The following GALNT18 variants were observed in gnomAD, a reference collection of about 807,000 sequenced individuals.
GALNT18 encodes the protein polypeptide N-acetylgalactosaminyltransferase 18.
Under a neutral mutation model 69.5 loss-of-function variants are expected in GALNT18, and 44 were observed. That is an observed-to-expected ratio of 0.63 (90% CI 0.50 to 0.81). The LOEUF is 0.81. GALNT18 is among the 40% of genes least tolerant of loss of function. GALNT18 has a pLI of 0.00. For missense variants in GALNT18, 715 were observed against 810.0 expected (o/e 0.88, Z 1.42); for synonymous variants, 364 against 318.2 (o/e 1.14, Z -1.53).
intron 1 of GALNT18, among the ~76,000 whole-genome samples, chr11:11,492,133 T>A (rs950103405): frequency 1.3e-5 from 2 of 152,146 alleles, no homozygotes; most frequent in African/African-American, 4.8e-5. Context: ...GGGAAATCAC[T>A]CCAAATTGTA....
chr11:11,527,331 G>A (rs892368862), intron 1 of GALNT18, among the ~76,000 whole-genome samples: 1 of 152,192 alleles, frequency 6.6e-6, no homozygotes, highest in Non-Finnish European at 1.5e-5. Context: ...GTCTGCTGTT[G>A]GATTGGGGTG....
chr11:11,323,318 A>T (rs1849867112), intron 9 of GALNT18, among the ~76,000 whole-genome samples: 1 of 152,270 alleles, frequency 6.6e-6, no homozygotes, highest in East Asian at 1.9e-4. Context: ...GAATTAGATA[A>T]GTCATGTGGT....
At chr11:11,558,553 T>C (rs951326390) in intron 1 of GALNT18, among the ~76,000 whole-genome samples, 2 of 152,234 alleles carry the variant, frequency 1.3e-5, no homozygotes, top group South Asian at 2.1e-4. Flanking sequence ...ATAGCCCTGC[T>C]TCATGCTTGG....
intron 1 of GALNT18, among the ~76,000 whole-genome samples, chr11:11,478,681 A>G (rs997534967): frequency 1.3e-5 from 2 of 152,248 alleles, no homozygotes; most frequent in African/African-American, 4.8e-5. Context: ...AAATATTAAT[A>G]TGACTGTGTC....
intron 3 of GALNT18, among the ~76,000 whole-genome samples, chr11:11,385,740 C>T (rs1854041253): frequency 6.6e-6 from 1 of 152,034 alleles, no homozygotes; most frequent in Non-Finnish European, 1.5e-5. Flanking sequence ...CATGAATACC[C>T]CATGGGTGAA....
At chr11:11,401,439 C>A (rs899858058) in intron 3 of GALNT18, among the ~76,000 whole-genome samples, 4 of 152,172 alleles carry the variant, frequency 2.6e-5, no homozygotes, top group Admixed American at 6.5e-5. Flanking sequence ...CATGGTTGAG[C>A]TGGCCTGTTC....
chr11:11,471,400 GC>G (rs1856266128), intron 1 of GALNT18, among the ~76,000 whole-genome samples: 1 of 152,186 alleles, frequency 6.6e-6, no homozygotes, highest in Non-Finnish European at 1.5e-5. Flanking sequence ...GACTGGTCCA[GC>G]CCTGACATAG....
intron 3 of GALNT18, among the ~76,000 whole-genome samples, chr11:11,405,263 G>A (rs940824479): frequency 2.6e-5 from 4 of 152,164 alleles, no homozygotes; most frequent in African/African-American, 9.7e-5. Flanking sequence ...AGGCTGTGAA[G>A]GAGACTCATG....
At chr11:11,275,768 A>AT (rs1263982938) in intron 10 of GALNT18, among the ~76,000 whole-genome samples, 1 of 152,192 alleles carries the variant, frequency 6.6e-6, no homozygotes, top group Non-Finnish European at 1.5e-5. Flanking sequence ...CAGTTTCCCC[A>AT]ACACCATTTA....
At chr11:11,451,828 A>C (rs1325291560) in intron 1 of GALNT18, among the ~76,000 whole-genome samples, 2 of 152,262 alleles carry the variant, frequency 1.3e-5, no homozygotes, top group East Asian at 3.8e-4. Context: ...TGTCTAATCC[A>C]AGGCCACCCA....
intron 9 of GALNT18, among the ~76,000 whole-genome samples, chr11:11,302,216 A>C (rs1054871830): frequency 6.6e-6 from 1 of 152,300 alleles, no homozygotes. Flanking sequence ...GAGGGGCTCT[A>C]AGAGTCTTCT....
chr11:11,539,857 A>G (rs972990867), intron 1 of GALNT18, among the ~76,000 whole-genome samples: 1 of 152,242 alleles, frequency 6.6e-6, no homozygotes, highest in Non-Finnish European at 1.5e-5. Flanking sequence ...ATCAGAAATA[A>G]AGAAGAAAGG....
rs1367626598 is a variant in GALNT18, at chr11:11,603,544, T to C, written c.235+17815A>G. Among the ~76,000 whole-genome samples, 2 of 152,180 alleles carry C rather than the reference T, an allele frequency of 1.3e-5. No individual in the cohort carries two copies. Among genetic ancestry groups the C allele is most frequent in the African/African-American group, 2.4e-5 (1 of 41,448 alleles). On this transcript the variant is annotated intron_variant, in intron 1 of 10. Coordinates refer to ENST00000227756, the MANE Select transcript of GALNT18 (RefSeq NM_198516.3). This position sits in a 1 kb window ranked among gnomAD's most constrained non-coding sequence, Gnocchi z 4.5. ...AACCATCAGAGCAACATACCCTCCC[T>C]GGAAATATGCATCTGCCTAATTGCT...
chr11:11,443,672 C>A (rs1855581710), intron 2 of GALNT18, among the ~76,000 whole-genome samples: 1 of 152,154 alleles, frequency 6.6e-6, no homozygotes, highest in Non-Finnish European at 1.5e-5. Flanking sequence ...GCCCTTCAAC[C>A]CTGAGACTAG....
At chr11:11,458,951 C>T (rs1855982061) in intron 1 of GALNT18, among the ~76,000 whole-genome samples, 2 of 152,194 alleles carry the variant, frequency 1.3e-5, no homozygotes, top group South Asian at 2.1e-4. Context: ...CTGGGCCCTG[C>T]TTGTCTTCTG....
rs890030720 is a variant in GALNT18, at chr11:11,337,116, C to T, written c.1278+3703G>A. Among the ~76,000 whole-genome samples the T allele has an allele frequency of 2.0e-5, 3 of 152,112 alleles. No homozygotes were observed. Among genetic ancestry groups the T allele is most frequent in the Non-Finnish European group, 4.4e-5 (3 of 68,038 alleles). On this transcript the variant is annotated intron_variant, in intron 7 of 10. Coordinates refer to ENST00000227756, the MANE Select transcript of GALNT18 (RefSeq NM_198516.3). This position sits in a 1 kb window ranked among gnomAD's most constrained non-coding sequence, Gnocchi z 4.9. ...GCTTTTTGTAGATTCTGGCACCTAC[C>T]GCTCAAAATCCTCTCTGAGGATGAG...
intron 8 of GALNT18, among the ~76,000 whole-genome samples, chr11:11,330,188 G>T (rs1474435167): frequency 6.6e-6 from 1 of 152,158 alleles, no homozygotes; most frequent in East Asian, 1.9e-4. Flanking sequence ...AATGGGCTGG[G>T]CTATAGACTT....
In GALNT18 at chr11:11,494,781, C is replaced by T. The variant is rs935231843; in HGVS notation, c.236-45845G>A. On this transcript the variant is annotated intron_variant, in intron 1 of 10. Coordinates refer to ENST00000227756, the MANE Select transcript of GALNT18 (RefSeq NM_198516.3). The surrounding 1 kb of genome is among the most constrained non-coding windows in gnomAD (Gnocchi z 5.7). ...AATCAGAGAGATGAATCCGGCCCAT[C>T]GTGCTATTATTCAAAGCTGGTGTAA... Among the ~76,000 whole-genome samples the T allele has an allele frequency of 3.9e-5, 6 of 152,156 alleles. No homozygotes were observed. Among genetic ancestry groups the T allele is most frequent in the Non-Finnish European group, 5.9e-5 (4 of 68,022 alleles).
chr11:11,336,753 T>C (rs1306171566), intron 7 of GALNT18, among the ~76,000 whole-genome samples: 1 of 152,206 alleles, frequency 6.6e-6, no homozygotes, highest in Non-Finnish European at 1.5e-5. Flanking sequence ...ACCAAGCACC[T>C]GTTTATTATG....
Sources: allele counts gnomAD v4.1 joint callset (sites outside exome capture counted in the v4.1 genomes callset), GRCh38; gene constraint gnomAD v4.1.1; non-coding constraint Gnocchi (gnomAD v3.1); transcripts MANE v1.5; gene names NCBI Gene and HGNC (gene_info 2026-07-23, HGNC 2026-07-21).